Variants in XIRP2 observed in about 807,000 individuals in gnomAD.
XIRP2 encodes xin actin binding repeat containing 2, also known as xin actin-binding repeat-containing protein 2.
A neutral mutation model predicts 277.0 loss-of-function variants in XIRP2; 236 were observed. The ratio of observed to expected loss-of-function variants is 0.85; its 90% CI spans 0.77 to 0.95. XIRP2 has a LOEUF of 0.95. Among genes scored for constraint, XIRP2 ranks in the 40% least tolerant of loss-of-function variants. The probability of loss-of-function intolerance (pLI) is 0.00; values close to 1 mark genes in which losing one functional copy is unlikely to be tolerated. For missense variants in XIRP2, 4,640 were observed against 4,157.5 expected (o/e 1.12, Z -3.19); for synonymous variants, 1,490 against 1,416.5 (o/e 1.05, Z -1.17).
At chr2:167,054,683 C>CA (rs5836129) in intron 2 of XIRP2, among the ~76,000 whole-genome samples, 45,243 of 108,478 alleles carry the variant, frequency 0.42, 8,675 homozygotes, top group African/African-American at 0.6. Context: ...GACTCAGTCG[C>CA]AAAAAAAAAA....
At chr2:167,087,521 G>T (rs1689994761) in intron 2 of XIRP2, among the ~76,000 whole-genome samples, 1 of 152,130 alleles carries the variant, frequency 6.6e-6, no homozygotes, top group Non-Finnish European at 1.5e-5. Flanking sequence ...CTGGGCAATG[G>T]CGGGTGCCCC....
At chr2:167,143,149 G>A (rs908603501) in intron 3 of XIRP2, among the ~76,000 whole-genome samples, 5 of 144,980 alleles carry the variant, frequency 3.4e-5, no homozygotes, top group Admixed American at 7.1e-5. Context: ...AATATTTACT[G>A]AACAGGTACT....
intron 2 of XIRP2, among the ~76,000 whole-genome samples, chr2:167,089,827 A>G (rs1414476551): frequency 6.6e-6 from 1 of 152,098 alleles, no homozygotes; most frequent in Admixed American, 6.5e-5. Flanking sequence ...TTTATGTATT[A>G]TCTAAAACGT....
At chr2:167,105,367 TA>T (rs1187744810) in intron 2 of XIRP2, among the ~76,000 whole-genome samples, 45 of 152,008 alleles carry the variant, frequency 3.0e-4, no homozygotes, top group Non-Finnish European at 1.5e-5. Flanking sequence ...TCCTTTTCCA[TA>T]ATTTTGTTAT....
rs1433646456 is a variant in XIRP2 at position 167,225,466 on chromosome 2, G to C, written c.858+7166G>C. ...TGTGCAGTTGGAACAATGAAGGTCA[G>C]TATATTTCTATAACGGTCTTAATAG... On this transcript the variant is annotated intron_variant, in intron 5 of 10. Transcript: ENST00000409195. Among the ~76,000 whole-genome samples, 3 of 152,166 alleles carry C rather than the reference G, an allele frequency of 2.0e-5. No homozygotes were observed. In the South Asian group the frequency reaches 6.2e-4, roughly 32 times the overall value.
Position 167,258,509 on chromosome 2 carries a change from G to A in XIRP2, c.*692G>A. 1 of 1,613,218 alleles carries A rather than the reference G, an allele frequency of 6.2e-7. No individual in the cohort carries two copies. The highest frequency in any genetic ancestry group is 8.5e-7 in the Non-Finnish European group (1 of 1,179,664). On this transcript the variant is annotated 3_prime_UTR_variant, in exon 11 of 11. Coordinates refer to ENST00000409195, the MANE Select transcript of XIRP2 (RefSeq NM_152381.6). ...AGACACAAAGAGTAACAGGAAAAGT[G>A]CTATGGATCTTAATGACAACAATAA...
chr2:167,024,905 C>T (rs564461162), intron 2 of XIRP2, among the ~76,000 whole-genome samples: 1 of 152,270 alleles, frequency 6.6e-6, no homozygotes, highest in South Asian at 2.1e-4. Context: ...AGATATTGGT[C>T]TAAAATTCTC....
intron 2 of XIRP2, among the ~76,000 whole-genome samples, chr2:167,043,595 A>C (rs916989521): frequency 6.6e-6 from 1 of 152,106 alleles, no homozygotes; most frequent in African/African-American, 2.4e-5. Context: ...AACCTAGAAG[A>C]AATAGATAAA....
At chr2:167,230,414 T>C (rs1051862295) in intron 5 of XIRP2, among the ~76,000 whole-genome samples, 4 of 152,056 alleles carry the variant, frequency 2.6e-5, no homozygotes, top group East Asian at 1.9e-4. Flanking sequence ...ATTTCTTCCC[T>C]GAATTCCTTT....
Position 167,037,518 on chromosome 2 carries a change from GGTGTGTGT to G in XIRP2, c.409-98358_409-98351del, listed in dbSNP as rs59857626. Among the ~76,000 whole-genome samples the G allele has an allele frequency of 1.4e-4, 18 of 126,458 alleles. No individual in the cohort carries two copies. The South Asian group carries it at 1.9e-3, about 13-fold the overall frequency. 83.0% of individuals were successfully genotyped at this position (126,458 alleles called of 152,430 possible). A position where few individuals can be genotyped will look rare whatever the true frequency, so the allele number is the denominator to read the frequency against. On this transcript the variant is annotated intron_variant, in intron 2 of 10. Coordinates refer to ENST00000409195, the MANE Select transcript of XIRP2 (RefSeq NM_152381.6). The stretch of plus-strand genomic sequence containing the variant: ...TGGCTTGAGGTTTTTTCATGTGGGG[GGTGTGTGT>G]GTGTGTGTGTGTGTGTGTGTGTGTG...
chr2:167,106,646 C>CA (rs923164640), intron 2 of XIRP2, among the ~76,000 whole-genome samples: 15 of 151,350 alleles, frequency 9.9e-5, no homozygotes, highest in East Asian at 3.9e-4. Flanking sequence ...TTATTTTTTA[C>CA]AAAAAAAGTT....
intron 2 of XIRP2, among the ~76,000 whole-genome samples, chr2:166,907,612 G>GT (rs879666201): frequency 0.026 from 3,673 of 140,992 alleles, 38 homozygotes; most frequent in Non-Finnish European, 0.034. Flanking sequence ...GGTCATAGAA[G>GT]TTTTTTTTTT....
chr2:167,242,032 T>G (rs1406969671), intron 8 of XIRP2, 122 bp downstream of exon 8: 1 of 1,269,880 alleles, frequency 7.9e-7, no homozygotes. Context: ...GAACTGGCAT[T>G]TATTCAGTTC....
At chr2:167,198,022 C>T (rs1693567311) in intron 3 of XIRP2, among the ~76,000 whole-genome samples, 1 of 152,086 alleles carries the variant, frequency 6.6e-6, no homozygotes, top group Admixed American at 6.6e-5. Flanking sequence ...ACATTTATAG[C>T]ATTAGGTTTT....
chr2:167,019,215 G>A (rs749918036), intron 2 of XIRP2, among the ~76,000 whole-genome samples: 2 of 152,076 alleles, frequency 1.3e-5, no homozygotes, highest in African/African-American at 4.8e-5. Flanking sequence ...TTAAGGGGTA[G>A]ATGAACTCTC....
intron 2 of XIRP2, among the ~76,000 whole-genome samples, chr2:167,069,607 C>T (rs910156973): frequency 6.6e-6 from 1 of 152,148 alleles, no homozygotes; most frequent in South Asian, 2.1e-4. Context: ...GGAAACTGAC[C>T]GTGTGCATGA....
intron 2 of XIRP2, among the ~76,000 whole-genome samples, chr2:167,022,634 G>A (rs1053417527): frequency 2.0e-5 from 3 of 146,496 alleles, no homozygotes; most frequent in Admixed American, 6.8e-5. Flanking sequence ...AGAGTGTGAT[G>A]TTCCCCTTCC....
chr2:167,170,414 C>T (rs1573930991), intron 3 of XIRP2, among the ~76,000 whole-genome samples: 1 of 151,996 alleles, frequency 6.6e-6, no homozygotes, highest in African/African-American at 2.4e-5. Context: ...ATAGAATTTA[C>T]CAATGAAGTC....
At chr2:167,096,304 C>T (rs1212098023) in intron 2 of XIRP2, among the ~76,000 whole-genome samples, 1 of 152,036 alleles carries the variant, frequency 6.6e-6, no homozygotes, top group Non-Finnish European at 1.5e-5. Context: ...GGAATTTATC[C>T]ATTTCTTCTA....
Sources: gnomAD v4.1 joint callset for allele counts (sites outside exome capture counted in the v4.1 genomes callset) on GRCh38, gnomAD v4.1.1 for gene constraint, MANE v1.5 for transcripts, NCBI Gene and HGNC (gene_info 2026-07-23, HGNC 2026-07-21) for gene names.